ABLIM1: variants seen among roughly 807,000 people sequenced by gnomAD.
ABLIM1 encodes the protein actin binding LIM protein 1.
ABLIM1 carries 40 observed loss-of-function variants against 107.0 expected under a neutral mutation model. The ratio of observed to expected loss-of-function variants is 0.37; its 90% CI spans 0.29 to 0.49. The LOEUF (loss-of-function observed/expected upper bound fraction) is 0.49. ABLIM1 is among the 20% of genes least tolerant of loss of function. The pLI is 0.97. For missense variants in ABLIM1, 857 were observed against 1,008.5 expected (o/e 0.85, Z 2.04); for synonymous variants, 357 against 357.3 (o/e 1.00, Z 0.01).
the ABLIM1 span, chr10:114,779,073 T>C: frequency 2.0e-5 from 3 of 152,184 alleles, no homozygotes; most frequent in African/African-American, 7.2e-5. Flanking sequence ...TTTTAAAAAA[T>C]ACATTTCCTG....
At chr10:114,615,205 T>A (rs1010455601) in intron 1 of ABLIM1, among the ~76,000 whole-genome samples, 8 of 152,212 alleles carry the variant, frequency 5.3e-5, no homozygotes, top group Non-Finnish European at 1.2e-4. Context: ...CACTAATCCT[T>A]CTTTCACTGC....
intron 6 of ABLIM1, among the ~76,000 whole-genome samples, chr10:114,504,978 T>C (rs1345670444): frequency 1.3e-5 from 2 of 151,654 alleles, no homozygotes; most frequent in Non-Finnish European, 2.9e-5. Context: ...AAACACCAGA[T>C]GACTCTAAGC....
intron 1 of ABLIM1, among the ~76,000 whole-genome samples, chr10:114,746,107 A>G (rs866964195): frequency 6.6e-6 from 1 of 152,226 alleles, no homozygotes; most frequent in Non-Finnish European, 1.5e-5. Flanking sequence ...TGATAAGAAC[A>G]TTAGAAATGT....
chr10:114,551,222 G>C (rs2068021918), intron 4 of ABLIM1, among the ~76,000 whole-genome samples: 1 of 152,258 alleles, frequency 6.6e-6, no homozygotes, highest in African/African-American at 2.4e-5. Context: ...GTACATGTGA[G>C]CCACTCAATA....
At chr10:114,477,955 C>T (rs2056739462) in intron 8 of ABLIM1, among the ~76,000 whole-genome samples, 3 of 152,154 alleles carry the variant, frequency 2.0e-5, no homozygotes, top group Admixed American at 2.0e-4. Flanking sequence ...AACTCCTGAC[C>T]TCATGATTTG....
intron 2 of ABLIM1, among the ~76,000 whole-genome samples, chr10:114,588,487 C>CTTTTTTTTTTTTTTTTTTTTTTTT (rs34043960): frequency 1.7e-4 from 13 of 76,556 alleles, no homozygotes; most frequent in African/African-American, 2.2e-4. Context: ...TTCTTTCTTT[C>CTTTTTTTTTTTTTTTTTTTTTTTT]TTTTTTTTTT....
chr10:114,525,906 TTTC>T (rs751443189), intron 6 of ABLIM1, among the ~76,000 whole-genome samples: 4 of 152,242 alleles, frequency 2.6e-5, no homozygotes, highest in Non-Finnish European at 5.9e-5. Context: ...CCATTTCTTC[TTTC>T]ATGCTAGTAT....
chr10:114,631,760 C>T (rs773205679), intron 1 of ABLIM1: 12 of 850,372 alleles, frequency 1.4e-5, no homozygotes, highest in Non-Finnish European at 1.9e-5. Context: ...TCGATGGAAA[C>T]CCAGACTTCA....
At chr10:114,742,064 G>A (rs192792993) in intron 1 of ABLIM1, among the ~76,000 whole-genome samples, 13 of 152,236 alleles carry the variant, frequency 8.5e-5, no homozygotes, top group Admixed American at 1.3e-4. Flanking sequence ...TATGGACTTC[G>A]ATACTTAAGA....
chr10:114,585,423 C>T (rs2074076040), intron 2 of ABLIM1, among the ~76,000 whole-genome samples: 1 of 152,162 alleles, frequency 6.6e-6, no homozygotes, highest in Non-Finnish European at 1.5e-5. Context: ...GGCACAAACA[C>T]CATTTTTTGT....
chr10:114,462,213 T>C (rs1418806823), intron 12 of ABLIM1, among the ~76,000 whole-genome samples: 1 of 152,230 alleles, frequency 6.6e-6, no homozygotes, highest in Admixed American at 6.5e-5. Flanking sequence ...CCTTTAGGAC[T>C]GTTTTAAGAC....
chr10:114,684,162 T>A (rs1280189953), intron 1 of ABLIM1: 2 of 910,594 alleles, frequency 2.2e-6, no homozygotes, highest in Non-Finnish European at 3.2e-6. Flanking sequence ...TAAAACAATC[T>A]TTTACTTATT....
Position 114,575,524 on chromosome 10 carries a change from C to G in ABLIM1, c.455G>C (p.Arg152Pro). The change falls in exon 3 of 23, where the codon CGG (arginine) becomes CCG (proline). Residue 152 changes from arginine (R) to proline (P), a missense_variant. Around this residue, in one of 5 missense-constraint regions of ABLIM1, gnomAD observed 381 missense variants for 506.9 expected, o/e 0.75. Coordinates refer to ENST00000533213, the MANE Select transcript of ABLIM1 (RefSeq NM_002313.7). ...GEYLCTLDYQRMYGTRCHGCG... is the reference protein window; with the variant it reads ...GEYLCTLDYQPMYGTRCHGCG... ...GCCATGGCAGCGTGTCCCGTACATC[C>G]GCTGGTAGTCCAGGGTGCAGAGATA... The G allele has an allele frequency of 1.9e-6, 3 of 1,614,214 alleles. No individual in the cohort carries two copies. The highest frequency in any genetic ancestry group is 2.5e-6 in the Non-Finnish European group (3 of 1,180,034).
intron 10 of ABLIM1, among the ~76,000 whole-genome samples, chr10:114,471,784 C>T (rs1233538659): frequency 6.6e-6 from 1 of 152,070 alleles, no homozygotes; most frequent in Non-Finnish European, 1.5e-5. Context: ...CCTCAAAGCA[C>T]TGTGAGATGC....
At chr10:114,494,003 AT>A (rs1344644276) in intron 6 of ABLIM1, among the ~76,000 whole-genome samples, 2 of 152,126 alleles carry the variant, frequency 1.3e-5, no homozygotes, top group African/African-American at 4.8e-5. Context: ...CTGTCATAAA[AT>A]TTTTTTCTAA....
chr10:114,694,303 A>C (rs2081151147), intron 1 of ABLIM1, among the ~76,000 whole-genome samples: 1 of 151,974 alleles, frequency 6.6e-6, no homozygotes, highest in East Asian at 1.9e-4. Context: ...GACTTCCTAG[A>C]CTCTGCAGTC....
intron 6 of ABLIM1, among the ~76,000 whole-genome samples, chr10:114,523,365 C>T (rs1204810189): frequency 6.6e-6 from 1 of 152,124 alleles, no homozygotes; most frequent in African/African-American, 2.4e-5. Flanking sequence ...CTCTGGGCAG[C>T]ACCACCTGAC....
In ABLIM1 at chr10:114,715,707, A is replaced by G. The variant is rs2081646111; in HGVS notation, c.-213+52354T>C. On this transcript the variant is annotated intron_variant, in intron 1 of 15. Transcript: ENST00000651092. Reference sequence around the variant, plus strand: ...GCCCTCACCGTGACTTTTCCTTTTCATAAGAAACATACAGCAATATACTTA... The same window carrying G: ...GCCCTCACCGTGACTTTTCCTTTTCGTAAGAAACATACAGCAATATACTTA... Among the ~76,000 whole-genome samples the G allele has an allele frequency of 2.0e-5, 3 of 152,150 alleles. No homozygotes were observed. In the South Asian group the frequency reaches 6.2e-4, roughly 32 times the overall value.
chr10:114,704,377 C>G lies in ABLIM1; in HGVS notation c.-213+63684G>C, dbSNP rs893599656. ...GTGAGGTATCTTGGAATAACAAGAG[C>G]CTAAATTGTTACCACATAAACTATT... On this transcript the variant is annotated intron_variant, in intron 1 of 15. Transcript: ENST00000651092. 1.1e-4 allele frequency among the ~76,000 whole-genome samples: 15 copies of G among 140,918 alleles called. 1 individual carries two copies. Among genetic ancestry groups the G allele is most frequent in the Non-Finnish European group, 2.1e-4 (14 of 65,592 alleles). 92.4% of individuals were successfully genotyped at this position (140,918 alleles called of 152,430 possible).
Sources: gnomAD v4.1 joint callset for allele counts (sites outside exome capture counted in the v4.1 genomes callset) on GRCh38, gnomAD v4.1.1 for gene constraint, gnomAD v4.1.1 regional missense constraint, MANE v1.5 for transcripts, NCBI Gene and HGNC (gene_info 2026-07-23, HGNC 2026-07-21) for gene names.